MCU: variants seen among roughly 807,000 people sequenced by gnomAD.
MCU encodes calcium uniporter protein, mitochondrial.
MCU carries 12 observed loss-of-function variants against 45.2 expected under a neutral mutation model. That is an observed-to-expected ratio of 0.27 (90% CI 0.17 to 0.43). The LOEUF (loss-of-function observed/expected upper bound fraction) is 0.43, where lower values mean the gene tolerates loss of function less well. MCU is among the 20% of genes least tolerant of loss of function. The pLI, the probability that MCU is intolerant of heterozygous loss-of-function variation, is 1.00. For missense variants in MCU, 324 were observed against 436.7 expected (o/e 0.74, Z 2.30); for synonymous variants, 160 against 165.1 (o/e 0.97, Z 0.24).
At chr10:72,720,769 T>C (rs1312598235) in intron 1 of MCU, among the ~76,000 whole-genome samples, 1 of 152,238 alleles carries the variant, frequency 6.6e-6, no homozygotes, top group African/African-American at 2.4e-5. Context: ...CAGTGTCTTA[T>C]AATAGATGTT....
At chr10:72,717,252 G>A (rs562874090) in intron 1 of MCU, among the ~76,000 whole-genome samples, 19 of 151,790 alleles carry the variant, frequency 1.3e-4, no homozygotes, top group South Asian at 2.1e-4. Context: ...AAGATAACTA[G>A]GGGATTGCTT....
intron 2 of MCU, among the ~76,000 whole-genome samples, chr10:72,842,678 T>G (rs1188878300): frequency 2.0e-5 from 3 of 152,058 alleles, no homozygotes; most frequent in Non-Finnish European, 4.4e-5. Context: ...TTATTTCTTT[T>G]TAAAAACCAG....
chr10:72,778,008 A>G (rs937373821), intron 1 of MCU, among the ~76,000 whole-genome samples: 4 of 152,228 alleles, frequency 2.6e-5, no homozygotes, highest in South Asian at 2.1e-4. Flanking sequence ...AATGTTTTGT[A>G]TTAAAAATGA....
intron 1 of MCU, chr10:72,708,161 T>C (rs563695237): frequency 6.6e-6 from 1 of 152,308 alleles, no homozygotes; most frequent in East Asian, 1.9e-4. Context: ...TTAAGACAGT[T>C]TTCATAATTA....
At chr10:72,732,961 A>G (rs986246016) in intron 1 of MCU, among the ~76,000 whole-genome samples, 1 of 152,238 alleles carries the variant, frequency 6.6e-6, no homozygotes, top group Non-Finnish European at 1.5e-5. Context: ...TCTTTCACTA[A>G]GAGCATTTAT....
chr10:72,701,572 G>A (rs138844738), intron 1 of MCU, among the ~76,000 whole-genome samples: 3,531 of 152,158 alleles, frequency 0.023, 131 homozygotes, highest in African/African-American at 0.082. Flanking sequence ...TGTCGCCCAG[G>A]CTGGAGTGCA....
rs35246595 is a variant in MCU at position 72,781,066 on chromosome 10, A to T, written c.151-53293A>T. 2.5e-3 allele frequency among the ~76,000 whole-genome samples: 384 copies of T among 152,256 alleles called. 1 individual carries two copies. Among genetic ancestry groups the T allele is most frequent in the Non-Finnish European group, 2.6e-3 (178 of 68,022 alleles). On this transcript the variant is annotated intron_variant, in intron 1 of 7. Transcript: ENST00000373053. ...TTGGAACACTCAAAAAATAAAAAAA[A>T]TTTTTTTTAAAGAATTGGAACACTG...
At chr10:72,729,588 G>A (rs1214972459) in intron 1 of MCU, among the ~76,000 whole-genome samples, 2 of 152,218 alleles carry the variant, frequency 1.3e-5, no homozygotes, top group African/African-American at 4.8e-5. Flanking sequence ...TGATTAAAGT[G>A]GTTTCTGCTT....
chr10:72,861,656 A>ATTT (rs760388938), intron 4 of MCU: 255 of 329,364 alleles, frequency 7.7e-4, no homozygotes, highest in South Asian at 1.2e-3. Context: ...CGCCAGGCTA[A>ATTT]TTTTTTTTTT....
At chr10:72,861,047 C>T (rs184817058) in intron 4 of MCU, among the ~76,000 whole-genome samples, 1 of 152,014 alleles carries the variant, frequency 6.6e-6, no homozygotes, top group East Asian at 1.9e-4. Flanking sequence ...TTTTTTGAGA[C>T]AAGATCTCAC....
chr10:72,716,445 C>T (rs938923826), intron 1 of MCU, among the ~76,000 whole-genome samples: 12 of 152,146 alleles, frequency 7.9e-5, no homozygotes, highest in Admixed American at 7.2e-4. Context: ...TAATGGCAGT[C>T]CAGCTTCTTT....
At chr10:72,766,218 T>G (rs1022013401) in intron 1 of MCU, among the ~76,000 whole-genome samples, 1 of 152,220 alleles carries the variant, frequency 6.6e-6, no homozygotes, top group Non-Finnish European at 1.5e-5. Flanking sequence ...TAAGAGAAAG[T>G]TGCAAATTTC....
At chr10:72,816,445 C>T (rs537372624) in intron 1 of MCU, among the ~76,000 whole-genome samples, 7 of 152,232 alleles carry the variant, frequency 4.6e-5, no homozygotes, top group Non-Finnish European at 1.0e-4. Flanking sequence ...TCCTTTACAG[C>T]CAATTGGTGT....
At chr10:72,794,802 C>G (rs893002763) in intron 1 of MCU, among the ~76,000 whole-genome samples, 10 of 152,010 alleles carry the variant, frequency 6.6e-5, no homozygotes, top group Admixed American at 6.6e-5. Context: ...TGAGGCCTGC[C>G]CTTAAGATCT....
chr10:72,743,833 G>C (rs946757635), intron 1 of MCU, among the ~76,000 whole-genome samples: 1 of 152,128 alleles, frequency 6.6e-6, no homozygotes, highest in Non-Finnish European at 1.5e-5. Flanking sequence ...CCTTAGTTCT[G>C]CATAGTATAT....
At chr10:72,871,147 G>T (rs901055948) in intron 5 of MCU, among the ~76,000 whole-genome samples, 1 of 152,110 alleles carries the variant, frequency 6.6e-6, no homozygotes, top group Non-Finnish European at 1.5e-5. Flanking sequence ...CAAGCTTCCC[G>T]CCTTGGCCTA....
chr10:72,874,655 C>T (rs1325731722), intron 6 of MCU, among the ~76,000 whole-genome samples: 1 of 152,182 alleles, frequency 6.6e-6, no homozygotes, highest in East Asian at 1.9e-4. Context: ...GAATTTTTAG[C>T]ACCTAGTTGC....
chr10:72,751,341 C>CTTCTTTTTTTTTT (rs1474252109), intron 1 of MCU, among the ~76,000 whole-genome samples: 14 of 44,750 alleles, frequency 3.1e-4, no homozygotes, highest in African/African-American at 1.2e-3. Context: ...TCTTCTTCTT[C>CTTCTTTTTTTTTT]TTTTTTTTTT....
At chr10:72,796,114 C>T (rs989779915) in intron 1 of MCU, among the ~76,000 whole-genome samples, 1 of 152,100 alleles carries the variant, frequency 6.6e-6, no homozygotes, top group African/African-American at 2.4e-5. Flanking sequence ...TCTTAAACTG[C>T]ATGCAGTACT....
Sources: gnomAD v4.1 joint callset for allele counts (sites outside exome capture counted in the v4.1 genomes callset) on GRCh38, gnomAD v4.1.1 for gene constraint, MANE v1.5 for transcripts, NCBI Gene and HGNC (gene_info 2026-07-23, HGNC 2026-07-21) for gene names.